Variants in ATRNL1 observed in about 807,000 individuals in gnomAD.
The protein encoded by ATRNL1 is attractin-like protein 1.
ATRNL1 carries 95 observed loss-of-function variants against 182.7 expected under a neutral mutation model. The observed-to-expected ratio is 0.52, with a 90% CI of 0.44 to 0.62. ATRNL1 has a LOEUF of 0.62. ATRNL1 is among the 20% of genes least tolerant of loss of function. The pLI is 0.00. For synonymous variants in ATRNL1, 576 were observed against 568.3 expected, an observed-to-expected ratio of 1.01 and a Z score of -0.19; for missense variants, 1,471 against 1,679.5, an observed-to-expected ratio of 0.88 and a Z score of 2.17.
At chr10:115,262,507 AGTT>A in intron 10 of ATRNL1, among the ~76,000 whole-genome samples, 1 of 152,186 alleles carries the variant, frequency 6.6e-6, no homozygotes, top group African/African-American at 2.4e-5. Context: ...TTAAAATCTC[AGTT>A]TACTGAGTAA....
intron 19 of ATRNL1, among the ~76,000 whole-genome samples, chr10:115,385,662 G>GT (rs35895847): frequency 0.32 from 47,944 of 151,704 alleles, 8,724 homozygotes; most frequent in Middle Eastern, 0.46. Flanking sequence ...TTTTTTCTCT[G>GT]TTTTTTTCTT....
At chr10:115,379,850 G>A (rs552379164) in intron 19 of ATRNL1, among the ~76,000 whole-genome samples, 3 of 152,074 alleles carry the variant, frequency 2.0e-5, no homozygotes, top group Admixed American at 6.5e-5. Flanking sequence ...CTTTTGAGAC[G>A]GAGTCTTGCT....
intron 23 of ATRNL1, among the ~76,000 whole-genome samples, chr10:115,467,759 A>C (rs963674431): frequency 4.6e-5 from 7 of 150,832 alleles, no homozygotes; most frequent in Admixed American, 1.3e-4. Context: ...TGTCTTTCAT[A>C]ATAAGGTTAA....
intron 27 of ATRNL1, among the ~76,000 whole-genome samples, chr10:115,804,181 C>A: frequency 6.6e-6 from 1 of 152,154 alleles, no homozygotes; most frequent in East Asian, 1.9e-4. Flanking sequence ...GGTTTGTATA[C>A]TACTCCCTAA....
intron 27 of ATRNL1, among the ~76,000 whole-genome samples, chr10:115,780,269 C>G (rs1949230659): frequency 6.6e-6 from 1 of 152,152 alleles, no homozygotes; most frequent in Non-Finnish European, 1.5e-5. Flanking sequence ...TTTAGACCAG[C>G]CCTAGGCAGA....
intron 26 of ATRNL1, among the ~76,000 whole-genome samples, chr10:115,664,771 A>G (rs1268236726): frequency 2.0e-5 from 3 of 152,056 alleles, no homozygotes; most frequent in Non-Finnish European, 4.4e-5. Flanking sequence ...TCACTCCTAG[A>G]ATTAGAATCC....
At chr10:115,442,303 C>CTCTCTCTCTCTCTGTGTGTG (rs782157017) in intron 21 of ATRNL1, among the ~76,000 whole-genome samples, 1 of 123,766 alleles carries the variant, frequency 8.1e-6, no homozygotes. Flanking sequence ...CTCTCTCTCT[C>CTCTCTCTCTCTCTGTGTGTG]TGTGTGTATG....
At chr10:115,364,256 T>C (rs2134167914) in intron 19 of ATRNL1, among the ~76,000 whole-genome samples, 1 of 129,308 alleles carries the variant, frequency 7.7e-6, no homozygotes, top group Non-Finnish European at 1.7e-5. Context: ...GTTGGATTCC[T>C]AGGTATTTTA....
Position 115,143,644 on chromosome 10 carries a change from G to A in ATRNL1, c.829+14109G>A, listed in dbSNP as rs561813006. On this transcript the variant is annotated intron_variant, in intron 5 of 28. Transcript: ENST00000355044. ...CCTCTCACTCTGCCACATAAAGAAC[G>A]AACAAGATGACTGCCTTTTTGTTCT... Among the ~76,000 whole-genome samples, 32 of 152,184 alleles carry A rather than the reference G, an allele frequency of 2.1e-4. No homozygotes were observed. In the South Asian group the frequency reaches 5.0e-3, roughly 24 times the overall value.
intron 21 of ATRNL1, among the ~76,000 whole-genome samples, chr10:115,459,727 T>C (rs1371531679): frequency 6.6e-6 from 1 of 152,176 alleles, no homozygotes; most frequent in Non-Finnish European, 1.5e-5. Context: ...AAGTACTTGA[T>C]GTCTGTCACC....
At chr10:115,536,200 C>A (rs1383996818) in intron 25 of ATRNL1, among the ~76,000 whole-genome samples, 2 of 152,158 alleles carry the variant, frequency 1.3e-5, no homozygotes, top group African/African-American at 2.4e-5. Flanking sequence ...TTTGTCTGTG[C>A]CCTGCCCCCA....
chr10:115,468,333 G>A (rs577054216), intron 23 of ATRNL1, among the ~76,000 whole-genome samples: 1 of 150,862 alleles, frequency 6.6e-6, no homozygotes, highest in South Asian at 2.1e-4. Flanking sequence ...AAGACATCAC[G>A]TGTTCTTTCA....
chr10:115,330,672 C>CTTTTTTTTTTTTTTTTTTTTTTTTTTTCT (rs200104323), intron 18 of ATRNL1, among the ~76,000 whole-genome samples: 1 of 101,410 alleles, frequency 9.9e-6, no homozygotes, highest in African/African-American at 3.7e-5. Context: ...GTGTTATTTG[C>CTTTTTTTTTTTTTTTTTTTTTTTTTTTCT]TTTTTTTTTT....
intron 26 of ATRNL1, among the ~76,000 whole-genome samples, chr10:115,719,530 T>G (rs1465042849): frequency 6.6e-6 from 1 of 152,218 alleles, no homozygotes; most frequent in Non-Finnish European, 1.5e-5. Context: ...TGCTGGATCA[T>G]GTTAGTGTTT....
chr10:115,803,018 C>G (rs782691401), intron 27 of ATRNL1, among the ~76,000 whole-genome samples: 2 of 152,128 alleles, frequency 1.3e-5, no homozygotes, highest in Non-Finnish European at 2.9e-5. Flanking sequence ...TCCAAAATTA[C>G]ACCTGAATTT....
chr10:115,909,161 C>T (rs782423242), intron 28 of ATRNL1, among the ~76,000 whole-genome samples: 5 of 151,664 alleles, frequency 3.3e-5, no homozygotes, highest in South Asian at 2.1e-4. Context: ...AGGCGCAATC[C>T]CCCTCCCCTT....
chr10:115,743,437 A>T (rs1555068266), intron 27 of ATRNL1, among the ~76,000 whole-genome samples: 9 of 148,958 alleles, frequency 6.0e-5, no homozygotes, highest in Non-Finnish European at 1.3e-4. Context: ...TGGTAGTTTA[A>T]CTAATTCTTA....
chr10:115,528,513 CTCTTT>C (rs139009562), intron 25 of ATRNL1, among the ~76,000 whole-genome samples: 4,222 of 151,844 alleles, frequency 0.028, 91 homozygotes, highest in Non-Finnish European at 0.043. Flanking sequence ...AGTTTTCTTT[CTCTTT>C]TCTTTTTTTT....
At chr10:115,413,706 T>C (rs1211855811) in intron 20 of ATRNL1, among the ~76,000 whole-genome samples, 2 of 152,106 alleles carry the variant, frequency 1.3e-5, no homozygotes, top group African/African-American at 4.8e-5. Flanking sequence ...TACTTTCTGG[T>C]ATAAGAAGAT....
Sources: allele counts gnomAD v4.1 joint callset (sites outside exome capture counted in the v4.1 genomes callset), GRCh38; gene constraint gnomAD v4.1.1; transcripts MANE v1.5; gene names NCBI Gene and HGNC (gene_info 2026-07-23, HGNC 2026-07-21).